BBS9: variants seen among roughly 807,000 people sequenced by gnomAD.
BBS9 encodes Bardet-Biedl syndrome 9, also known as protein PTHB1.
BBS9 carries 89 observed loss-of-function variants against 117.7 expected under a neutral mutation model. That is an observed-to-expected ratio of 0.76 (90% CI 0.64 to 0.90). BBS9 has a LOEUF of 0.90. Among genes scored for constraint, BBS9 ranks in the 40% least tolerant of loss-of-function variants. The pLI, the probability that BBS9 is intolerant of heterozygous loss-of-function variation, is 0.00. For missense variants in BBS9, 982 were observed against 1,042.2 expected, an observed-to-expected ratio of 0.94 and a Z score of 0.80; for synonymous variants, 379 against 370.9, an observed-to-expected ratio of 1.02 and a Z score of -0.25.
chr7:33,575,885 A>C (rs559851610), intron 21 of BBS9, among the ~76,000 whole-genome samples: 1 of 152,192 alleles, frequency 6.6e-6, no homozygotes, highest in Admixed American at 6.5e-5. Flanking sequence ...TCAATAAACT[A>C]GGTATTGATG....
At chr7:33,498,407 G>A (rs1224827794) in intron 19 of BBS9, among the ~76,000 whole-genome samples, 1 of 151,996 alleles carries the variant, frequency 6.6e-6, no homozygotes, top group East Asian at 1.9e-4. Flanking sequence ...ATGATTTTTA[G>A]TTATTCACAG....
At chr7:33,260,294 G>T (rs1489013485) in intron 6 of BBS9, among the ~76,000 whole-genome samples, 1 of 152,102 alleles carries the variant, frequency 6.6e-6, no homozygotes, top group Non-Finnish European at 1.5e-5. Context: ...GAGCCACCAC[G>T]CCCGGCCTAG....
intron 17 of BBS9, among the ~76,000 whole-genome samples, chr7:33,379,632 T>C (rs983005467): frequency 6.6e-6 from 1 of 152,196 alleles, no homozygotes; most frequent in East Asian, 1.9e-4. Flanking sequence ...AGATAGTTGT[T>C]TTGTATCTGC....
At chr7:33,358,018 C>A (rs568573892) in intron 16 of BBS9, 23 bp downstream of exon 16, 6 of 1,606,622 alleles carry the variant, frequency 3.7e-6, no homozygotes, top group South Asian at 2.2e-5. Context: ...AAATAACATG[C>A]CTGCAGCATC....
intron 19 of BBS9, among the ~76,000 whole-genome samples, chr7:33,451,824 G>T (rs1837916267): frequency 6.6e-6 from 1 of 152,090 alleles, no homozygotes; most frequent in Non-Finnish European, 1.5e-5. Context: ...TGCAGAATAT[G>T]CCATTGGGAA....
chr7:33,454,969 G>A (rs948508659), intron 19 of BBS9, among the ~76,000 whole-genome samples: 2 of 152,178 alleles, frequency 1.3e-5, no homozygotes, highest in Non-Finnish European at 2.9e-5. Flanking sequence ...CAGTTCCAAT[G>A]AGCTGTAAGA....
intron 19 of BBS9, among the ~76,000 whole-genome samples, chr7:33,432,488 G>C (rs1488723785): frequency 6.6e-6 from 1 of 151,902 alleles, no homozygotes; most frequent in South Asian, 2.1e-4. Flanking sequence ...TACATCTTCT[G>C]TTTCTTTTAT....
At chr7:33,612,526 C>T (rs1404299450) in intron 21 of BBS9, among the ~76,000 whole-genome samples, 1 of 151,904 alleles carries the variant, frequency 6.6e-6, no homozygotes, top group East Asian at 1.9e-4. Flanking sequence ...CCAGGCTGCC[C>T]TCCAATGTCA....
intron 5 of BBS9, among the ~76,000 whole-genome samples, chr7:33,189,304 C>A (rs993421666): frequency 2.6e-5 from 4 of 152,070 alleles, no homozygotes; most frequent in Non-Finnish European, 5.9e-5. Flanking sequence ...TAGGCATGAG[C>A]CATTGTGCCT....
intron 20 of BBS9, among the ~76,000 whole-genome samples, chr7:33,526,108 T>G (rs9801419): frequency 6.7e-6 from 1 of 150,112 alleles, no homozygotes; most frequent in African/African-American, 2.5e-5. Flanking sequence ...GGGTTTCTGC[T>G]GAGAGATCCG....
chr7:33,545,550 G>C (rs951890987), intron 21 of BBS9, among the ~76,000 whole-genome samples: 5 of 152,106 alleles, frequency 3.3e-5, no homozygotes, highest in African/African-American at 1.2e-4. Flanking sequence ...CACAGTATTT[G>C]AGGGGGTCTC....
rs61764068 is a variant in BBS9 at position 33,505,605 on chromosome 7, A to T, written c.2258A>T (p.Glu753Val). The change falls in exon 20 of 23, where the codon GAA becomes GTA. Residue 753 changes from glutamate to valine, a missense_variant. Glu to Val is a moderately radical substitution (Grantham distance 121, BLOSUM62 -2). Transcript: ENST00000242067. ...AGTGCTGACCAGGTTGCTATTCTGG[A>T]AGCGGCATTTCTGCCGCTACAAGAA... ...KLSADQVAIL[E>V]AAFLPLQEDT... 1,355 of 1,614,004 alleles carry T rather than the reference A, an allele frequency of 8.4e-4. 2 individuals carry two copies. Among genetic ancestry groups the T allele is most frequent in the South Asian group, 1.3e-3 (120 of 91,082 alleles).
At chr7:33,537,472 A>C (rs748539861) in intron 21 of BBS9, among the ~76,000 whole-genome samples, 1 of 152,186 alleles carries the variant, frequency 6.6e-6, no homozygotes, top group Non-Finnish European at 1.5e-5. Context: ...AGAGCTATCA[A>C]ATTTATTTCT....
chr7:33,474,129 G>T (rs1249463848), intron 19 of BBS9, among the ~76,000 whole-genome samples: 1 of 152,234 alleles, frequency 6.6e-6, no homozygotes, highest in Non-Finnish European at 1.5e-5. Flanking sequence ...CTTGTGCTGT[G>T]TGTTCCCTGT....
intron 1 of BBS9, among the ~76,000 whole-genome samples, chr7:33,142,611 C>G (rs1283779653): frequency 6.6e-6 from 1 of 152,218 alleles, no homozygotes; most frequent in East Asian, 1.9e-4. Context: ...TCCCTAGCCC[C>G]TGACAATCAC....
At chr7:33,217,347 T>C (rs2128233851) in intron 5 of BBS9, among the ~76,000 whole-genome samples, 1 of 152,266 alleles carries the variant, frequency 6.6e-6, no homozygotes, top group South Asian at 2.1e-4. Context: ...TATAGCATAA[T>C]TTAAGATTAT....
intron 19 of BBS9, among the ~76,000 whole-genome samples, chr7:33,477,066 T>C (rs1276442414): frequency 6.6e-6 from 1 of 152,204 alleles, no homozygotes; most frequent in Non-Finnish European, 1.5e-5. Flanking sequence ...TTACTAGCCT[T>C]GTGGCCTTGA....
intron 5 of BBS9, among the ~76,000 whole-genome samples, chr7:33,256,983 A>G (rs1466804035): frequency 6.6e-6 from 1 of 152,112 alleles, no homozygotes; most frequent in African/African-American, 2.4e-5. Context: ...ATCTCAGTAA[A>G]TTTTAAGAAC....
At chr7:33,592,380 G>A (rs13227571) in intron 21 of BBS9, among the ~76,000 whole-genome samples, 35,137 of 152,038 alleles carry the variant, frequency 0.23, 5,759 homozygotes, top group African/African-American at 0.45. Context: ...CTTTGCTCAA[G>A]ATACATGATA....
Sources: gnomAD v4.1 joint callset for allele counts (sites outside exome capture counted in the v4.1 genomes callset) on GRCh38, gnomAD v4.1.1 for gene constraint, MANE v1.5 for transcripts, NCBI Gene and HGNC (gene_info 2026-07-23, HGNC 2026-07-21) for gene names.